Variants in GPHN observed in about 807,000 individuals in gnomAD.
GPHN encodes the protein gephyrin.
GPHN carries 17 observed loss-of-function variants against 95.5 expected under a neutral mutation model. That is an observed-to-expected ratio of 0.18 (90% CI 0.12 to 0.27). The LOEUF is 0.27. Among genes scored for constraint, GPHN ranks in the 10% least tolerant of loss-of-function variants. The probability of loss-of-function intolerance (pLI) is 1.00; values close to 1 mark genes in which losing one functional copy is unlikely to be tolerated. For synonymous variants in GPHN, 320 were observed against 322.5 expected (o/e 0.99, Z 0.08); for missense variants, 660 against 978.1 (o/e 0.67, Z 4.34).
chr14:66,859,122 C>T (rs2062920258), intron 4 of GPHN, among the ~76,000 whole-genome samples: 1 of 152,186 alleles, frequency 6.6e-6, no homozygotes. Flanking sequence ...TCTGACTTCA[C>T]ATCTGTTAAT....
chr14:67,549,670 C>A, the GPHN span, among the ~76,000 whole-genome samples: 1 of 152,146 alleles, frequency 6.6e-6, no homozygotes, highest in African/African-American at 2.4e-5. Context: ...CTGTAGTGCT[C>A]GTGAACCATT....
At chr14:66,598,038 A>G (rs1464998494) in intron 1 of GPHN, among the ~76,000 whole-genome samples, 1 of 152,202 alleles carries the variant, frequency 6.6e-6, no homozygotes, top group Non-Finnish European at 1.5e-5. Flanking sequence ...GCACAGAAAG[A>G]CATACTCATG....
At chr14:67,215,322 G>C in the GPHN span, among the ~76,000 whole-genome samples, 1 of 152,002 alleles carries the variant, frequency 6.6e-6, no homozygotes, top group Non-Finnish European at 1.5e-5. Context: ...GGGAATTGCT[G>C]TTATCACCTA....
the GPHN span, among the ~76,000 whole-genome samples, chr14:67,639,924 CAAAA>C: frequency 9.7e-5 from 6 of 61,834 alleles, no homozygotes; most frequent in East Asian, 1.3e-3. Context: ...GACCCTGTCT[CAAAA>C]AAAAAAAAAA....
intron 10 of GPHN, among the ~76,000 whole-genome samples, chr14:67,023,911 G>A (rs1299088929): frequency 6.6e-6 from 1 of 152,076 alleles, no homozygotes; most frequent in South Asian, 2.1e-4. Context: ...TAGGAGGGTA[G>A]GAATGAGCTC....
chr14:67,095,807 A>G (rs1262313117), intron 12 of GPHN, among the ~76,000 whole-genome samples: 1 of 152,028 alleles, frequency 6.6e-6, no homozygotes, highest in Non-Finnish European at 1.5e-5. Flanking sequence ...GAGGGATAGC[A>G]TTAGGAGATA....
chr14:66,534,830 G>T (rs557565448), intron 1 of GPHN, among the ~76,000 whole-genome samples: 1 of 152,012 alleles, frequency 6.6e-6, no homozygotes, highest in Non-Finnish European at 1.5e-5. Context: ...ATATTTTAAA[G>T]TTATTCTGTC....
intron 10 of GPHN, among the ~76,000 whole-genome samples, chr14:67,031,757 A>ATTCAAAGTTTC (rs2074206936): frequency 1.3e-5 from 2 of 152,074 alleles, no homozygotes; most frequent in Non-Finnish European, 2.9e-5. Flanking sequence ...TGTGAAACCT[A>ATTCAAAGTTTC]TATTCCCAAA....
At chr14:67,254,971 A>G in the GPHN span, among the ~76,000 whole-genome samples, 1 of 152,214 alleles carries the variant, frequency 6.6e-6, no homozygotes. Context: ...CAACATGGTG[A>G]AACCTCTTCT....
chr14:67,474,081 G>A, the GPHN span: 14 of 947,040 alleles, frequency 1.5e-5, no homozygotes, highest in South Asian at 1.8e-5. Context: ...GTGAAACCCC[G>A]TCTCTACTAA....
the GPHN span, chr14:67,579,890 A>G: frequency 6.3e-7 from 1 of 1,585,220 alleles, no homozygotes; most frequent in Non-Finnish European, 8.6e-7. Context: ...ACAGCCTCCC[A>G]CTAAGCCAGC....
chr14:67,703,957 C>T, the GPHN span, among the ~76,000 whole-genome samples: 2 of 152,128 alleles, frequency 1.3e-5, no homozygotes, highest in Admixed American at 6.5e-5. Flanking sequence ...GGATTACAGG[C>T]GTGAGCCACT....
the GPHN span, among the ~76,000 whole-genome samples, chr14:67,537,434 G>A: frequency 1.6e-4 from 24 of 149,920 alleles, 1 homozygote; most frequent in African/African-American, 6.0e-4. Flanking sequence ...GAATAATGAG[G>A]CAGGTGGGTC....
In GPHN at chr14:67,180,757, A is replaced by G. The variant is rs770758242; in HGVS notation, c.2177-47A>G. The G allele has an allele frequency of 6.9e-6, 11 of 1,597,550 alleles. No individual in the cohort carries two copies. In the East Asian group the frequency reaches 2.2e-4, roughly 33 times the overall value. ...AAAAGGTCTACAAGGGCCCAACTGT[A>G]TACGCCATGATGCTTATGCTGCTGT... On this transcript the variant is annotated intron_variant, in intron 22 of 22. Transcript: ENST00000478722.
chr14:67,322,863 C>G, the GPHN span, among the ~76,000 whole-genome samples: 4 of 152,296 alleles, frequency 2.6e-5, no homozygotes, highest in Admixed American at 2.0e-4. Flanking sequence ...TGAGCACACA[C>G]AGTCATGCAT....
chr14:66,587,416 GTATAT>G (rs2061466486), intron 1 of GPHN, among the ~76,000 whole-genome samples: 1 of 152,074 alleles, frequency 6.6e-6, no homozygotes, highest in Non-Finnish European at 1.5e-5. Flanking sequence ...AGACAAACAA[GTATAT>G]TATAAGAAAA....
intron 6 of GPHN, among the ~76,000 whole-genome samples, chr14:66,918,060 T>G (rs2066003642): frequency 6.6e-6 from 1 of 152,208 alleles, no homozygotes; most frequent in Non-Finnish European, 1.5e-5. Context: ...ACCTTCAGGT[T>G]TAATAATTTA....
chr14:67,331,643 A>G, the GPHN span, among the ~76,000 whole-genome samples: 2 of 152,200 alleles, frequency 1.3e-5, no homozygotes, highest in Admixed American at 6.5e-5. Context: ...AACTTCAGAC[A>G]TGAAGTACTA....
At chr14:67,651,355 T>C in the GPHN span, 8 of 1,613,056 alleles carry the variant, frequency 5.0e-6, no homozygotes, top group Non-Finnish European at 6.8e-6. Flanking sequence ...AGGTCAAAGT[T>C]CTGGTCCACA....
Sources: allele counts gnomAD v4.1 joint callset (sites outside exome capture counted in the v4.1 genomes callset), GRCh38; gene constraint gnomAD v4.1.1; transcripts MANE v1.5; gene names NCBI Gene and HGNC (gene_info 2026-07-23, HGNC 2026-07-21).